RIMS2: variants seen among roughly 807,000 people sequenced by gnomAD.
RIMS2 encodes regulating synaptic membrane exocytosis protein 2.
In RIMS2, 59 loss-of-function variants were observed where a neutral mutation model predicts 174.4. The ratio of observed to expected loss-of-function variants is 0.34; its 90% CI spans 0.27 to 0.42. The LOEUF (loss-of-function observed/expected upper bound fraction) is 0.42, where lower values mean the gene tolerates loss of function less well. Among genes scored for constraint, RIMS2 ranks in the 10% least tolerant of loss-of-function variants. The pLI is 1.00. For synonymous variants in RIMS2, 606 were observed against 572.5 expected, an observed-to-expected ratio of 1.06 and a Z score of -0.84; for missense variants, 1,620 against 1,666.3, an observed-to-expected ratio of 0.97 and a Z score of 0.48.
intron 1 of RIMS2, among the ~76,000 whole-genome samples, chr8:103,582,649 C>T (rs2093682455): frequency 6.6e-6 from 1 of 152,148 alleles, no homozygotes; most frequent in Admixed American, 6.5e-5. Context: ...GTTAGTCTGG[C>T]AATACTCCTT....
intron 1 of RIMS2, among the ~76,000 whole-genome samples, chr8:103,612,460 A>G (rs1167009488): frequency 6.6e-6 from 1 of 152,196 alleles, no homozygotes; most frequent in East Asian, 1.9e-4. Flanking sequence ...TTGAATGGAC[A>G]TGGGTCTTAG....
intron 17 of RIMS2, among the ~76,000 whole-genome samples, chr8:103,994,562 G>A (rs4386947): frequency 0.69 from 104,691 of 151,998 alleles, 36,983 homozygotes; most frequent in African/African-American, 0.77. Context: ...AATTTTGGAA[G>A]AAAAGTAAGC....
At chr8:103,942,735 G>T in intron 13 of RIMS2, 38 bp from the exon 16 acceptor site, 1 of 1,410,726 alleles carries the variant, frequency 7.1e-7, no homozygotes, top group Non-Finnish European at 9.8e-7. Flanking sequence ...CTTTATTATT[G>T]GTATATTATA....
chr8:103,681,211 G>C (rs2096876177), intron 1 of RIMS2, among the ~76,000 whole-genome samples: 1 of 152,002 alleles, frequency 6.6e-6, no homozygotes, highest in Non-Finnish European at 1.5e-5. Flanking sequence ...GTTTGACTAT[G>C]AGCCACATAA....
At chr8:103,677,257 A>C (rs1172185405) in intron 1 of RIMS2, among the ~76,000 whole-genome samples, 1 of 116,782 alleles carries the variant, frequency 8.6e-6, no homozygotes, top group Non-Finnish European at 2.0e-5. Flanking sequence ...AAGTGTGTAA[A>C]AAAAAAAGAA....
At chr8:103,749,818 T>G (rs2139671700) in intron 2 of RIMS2, among the ~76,000 whole-genome samples, 1 of 152,290 alleles carries the variant, frequency 6.6e-6, no homozygotes, top group South Asian at 2.1e-4. Context: ...TTTATAAATG[T>G]TCTGTTCTAA....
At chr8:104,010,975 T>C (rs1326057217) in intron 17 of RIMS2, among the ~76,000 whole-genome samples, 1 of 152,200 alleles carries the variant, frequency 6.6e-6, no homozygotes, top group Admixed American at 6.6e-5. Flanking sequence ...ATTTATTATT[T>C]CCCACTTTTC....
chr8:104,194,538 A>G (rs889746327), intron 19 of RIMS2, among the ~76,000 whole-genome samples: 2 of 152,170 alleles, frequency 1.3e-5, no homozygotes, highest in African/African-American at 4.8e-5. Context: ...AAACATAACA[A>G]TCTTGCTCTT....
chr8:103,830,913 A>T (rs1487344717), intron 3 of RIMS2, among the ~76,000 whole-genome samples: 1 of 152,110 alleles, frequency 6.6e-6, no homozygotes, highest in Non-Finnish European at 1.5e-5. Context: ...TGCTCAAGCA[A>T]TCCTCCCACC....
At chr8:103,558,662 T>A (rs1290706972) in intron 1 of RIMS2, among the ~76,000 whole-genome samples, 3 of 152,198 alleles carry the variant, frequency 2.0e-5, no homozygotes, top group Non-Finnish European at 4.4e-5. Context: ...TTGCTTTTTT[T>A]AAACAGGATT....
At chr8:103,941,258 G>A (rs563629218) in intron 13 of RIMS2, among the ~76,000 whole-genome samples, 3 of 152,122 alleles carry the variant, frequency 2.0e-5, no homozygotes, top group South Asian at 4.1e-4. Context: ...GAGACAGGGG[G>A]ATAGCTTGAG....
chr8:104,063,219 G>T (rs2097037258), intron 19 of RIMS2, among the ~76,000 whole-genome samples: 1 of 151,824 alleles, frequency 6.6e-6, no homozygotes, highest in Non-Finnish European at 1.5e-5. Context: ...CTTATTAAAA[G>T]AATACTATTT....
At chr8:103,615,629 C>T (rs542553641) in intron 1 of RIMS2, among the ~76,000 whole-genome samples, 4,696 of 151,954 alleles carry the variant, frequency 0.031, 215 homozygotes, top group African/African-American at 0.1. Flanking sequence ...AGGCCACTAG[C>T]TAGACTAATA....
intron 2 of RIMS2, among the ~76,000 whole-genome samples, chr8:103,731,133 G>A (rs2138890114): frequency 1.3e-5 from 2 of 152,220 alleles, no homozygotes; most frequent in South Asian, 4.1e-4. Flanking sequence ...ACCTCCCACA[G>A]GGTCCCTCCT....
intron 1 of RIMS2, among the ~76,000 whole-genome samples, chr8:103,511,724 A>G (rs369311080): frequency 6.6e-6 from 1 of 152,222 alleles, no homozygotes; most frequent in Non-Finnish European, 1.5e-5. Flanking sequence ...AGTTGACAGT[A>G]TGTTAGGATA....
Position 103,968,718 on chromosome 8 carries a change from GAATT to G in RIMS2, c.2771-6627_2771-6624del, listed in dbSNP as rs143838385. 9.9e-3 allele frequency among the ~76,000 whole-genome samples: 1,498 copies of G among 151,812 alleles called. 19 individuals carry two copies. The highest frequency in any genetic ancestry group is 0.046 in the South Asian group (222 of 4,818). On this transcript the variant is annotated intron_variant, in intron 15 of 23. Transcript: ENST00000504942. ...AATACATTGTTGCTATTATTACTTT[GAATT>G]AATTCTTATCTGTTAGATAAATTAA... is the stretch of plus-strand genomic sequence containing the variant.
At chr8:103,529,173 CAT>C (rs1372594416) in intron 1 of RIMS2, among the ~76,000 whole-genome samples, 1 of 152,174 alleles carries the variant, frequency 6.6e-6, no homozygotes, top group Non-Finnish European at 1.5e-5. Flanking sequence ...GGAGTGCACT[CAT>C]GATTTGGCTT....
intron 12 of RIMS2, among the ~76,000 whole-genome samples, chr8:103,932,761 T>C (rs916766652): frequency 6.6e-6 from 1 of 152,222 alleles, no homozygotes; most frequent in African/African-American, 2.4e-5. Context: ...CAGATAGAGC[T>C]AAAATGGAAG....
chr8:103,758,674 T>G (rs2098064828), intron 2 of RIMS2, among the ~76,000 whole-genome samples: 1 of 152,216 alleles, frequency 6.6e-6, no homozygotes, highest in Admixed American at 6.5e-5. Flanking sequence ...CATTTCTTTT[T>G]TACTTTTATT....
Sources: gnomAD v4.1 joint callset for allele counts (sites outside exome capture counted in the v4.1 genomes callset) on GRCh38, gnomAD v4.1.1 for gene constraint, MANE v1.5 for transcripts, NCBI Gene and HGNC (gene_info 2026-07-23, HGNC 2026-07-21) for gene names.